Variants in PPP1R1C observed in about 807,000 individuals in gnomAD.
PPP1R1C encodes the protein protein phosphatase 1 regulatory subunit 1C.
A neutral mutation model predicts 17.4 loss-of-function variants in PPP1R1C; 15 were observed. The ratio of observed to expected loss-of-function variants is 0.86; its 90% CI spans 0.58 to 1.33. The LOEUF is 1.33. Ranked by LOEUF, PPP1R1C falls within the 40% of genes most tolerant of loss-of-function variation. PPP1R1C has a pLI of 0.00. For synonymous variants in PPP1R1C, 35 were observed against 43.1 expected (o/e 0.81, Z 0.73); for missense variants, 143 against 130.0 (o/e 1.10, Z -0.48).
Position 181,971,036 on chromosome 2 carries a change from G to A in PPP1R1C, n.112-4183G>A, listed in dbSNP as rs572808353. Among the ~76,000 whole-genome samples, 15 of 151,702 alleles carry A rather than the reference G, an allele frequency of 9.9e-5. No homozygotes were observed. In the East Asian group the frequency reaches 1.8e-3, roughly 18 times the overall value. ...CAGGAGCCAAGGCCTGGAATCAGGA[G>A]CCCAAAGAGCCCACCTAGTGCTCTA... On this transcript the variant is annotated intron_variant and non_coding_transcript_variant, in intron 1 of 5. Coordinates refer to the PPP1R1C transcript ENST00000464264.
chr2:182,026,369 C>T (rs1686611053), intron 2 of PPP1R1C, among the ~76,000 whole-genome samples: 2 of 141,386 alleles, frequency 1.4e-5, no homozygotes, highest in Non-Finnish European at 3.1e-5. Context: ...TTTAATCCAT[C>T]TTGAATTGAT....
intron 2 of PPP1R1C, among the ~76,000 whole-genome samples, chr2:182,002,640 G>C (rs1035033151): frequency 6.6e-6 from 1 of 151,916 alleles, no homozygotes; most frequent in Non-Finnish European, 1.5e-5. Context: ...GAATGGCTAA[G>C]ACTAATGCAC....
At chr2:181,963,879 C>G (rs1042526000) in intron 1 of PPP1R1C, among the ~76,000 whole-genome samples, 3 of 151,624 alleles carry the variant, frequency 2.0e-5, no homozygotes, top group African/African-American at 7.3e-5. Context: ...TATTTTGATA[C>G]AGGCATACAA....
In PPP1R1C at chr2:181,987,686, A is replaced by G. The variant is rs895157135; in HGVS notation, c.82-153A>G. On this transcript the variant is annotated intron_variant, in intron 1 of 4. Transcript: ENST00000682840. ...AATTCTGTGGCTTTCTATTATTTCA[A>G]AATAAAATTAGTGAGCACCTTCCAT... 9 of 675,030 alleles carry G rather than the reference A, an allele frequency of 1.3e-5. No individual in the cohort carries two copies. In the African/African-American group the frequency reaches 1.7e-4, roughly 13 times the overall value. The allele number at this position is 675,030 out of a possible 1,614,324, so 41.8% of individuals were successfully genotyped here.
intron 2 of PPP1R1C, among the ~76,000 whole-genome samples, chr2:181,998,510 G>A (rs574189119): frequency 3.3e-5 from 5 of 152,136 alleles, no homozygotes; most frequent in African/African-American, 9.6e-5. Flanking sequence ...TCCTTCTTTT[G>A]AATAAGTCAG....
chr2:182,103,693 C>T (rs1385368802), intron 4 of PPP1R1C: 2 of 152,164 alleles, frequency 1.3e-5, no homozygotes, highest in African/African-American at 4.8e-5. Context: ...TTGCAAAGCT[C>T]AGAGTGTAAA....
intron 2 of PPP1R1C, among the ~76,000 whole-genome samples, chr2:181,988,972 T>C (rs1685380389): frequency 6.6e-6 from 1 of 152,176 alleles, no homozygotes; most frequent in Non-Finnish European, 1.5e-5. Context: ...AAATATATTA[T>C]CTCAATAAAT....
At chr2:182,116,984 A>G (rs751409314) in intron 4 of PPP1R1C, among the ~76,000 whole-genome samples, 18 of 152,144 alleles carry the variant, frequency 1.2e-4, no homozygotes, top group Non-Finnish European at 2.2e-4. Context: ...AGAAGCTTTA[A>G]TTATGAAAGA....
intron 2 of PPP1R1C, among the ~76,000 whole-genome samples, chr2:182,038,180 G>A (rs1379827673): frequency 6.6e-6 from 1 of 152,038 alleles, no homozygotes; most frequent in Non-Finnish European, 1.5e-5. Context: ...TGGGACTACA[G>A]GCACACACCA....
At chr2:182,012,699 T>G (rs1336422804) in intron 2 of PPP1R1C, among the ~76,000 whole-genome samples, 1 of 152,076 alleles carries the variant, frequency 6.6e-6, no homozygotes, top group Admixed American at 6.5e-5. Flanking sequence ...TTGTCTTCCT[T>G]TCAATGAAGG....
chr2:182,084,918 C>G (rs1688583332), intron 4 of PPP1R1C, among the ~76,000 whole-genome samples: 1 of 152,036 alleles, frequency 6.6e-6, no homozygotes, highest in South Asian at 2.1e-4. Context: ...TTCGTGTCAC[C>G]TATAATTTTT....
chr2:182,127,464 G>T (rs1400965948), intron 5 of PPP1R1C, among the ~76,000 whole-genome samples: 1 of 152,052 alleles, frequency 6.6e-6, no homozygotes, highest in Non-Finnish European at 1.5e-5. Flanking sequence ...AAATGTCTAG[G>T]ACTGGAATAG....
At chr2:182,002,286 ACTCCAG>A (rs1559051907) in intron 2 of PPP1R1C, among the ~76,000 whole-genome samples, 13 of 151,898 alleles carry the variant, frequency 8.6e-5, no homozygotes, top group Non-Finnish European at 1.9e-4. Flanking sequence ...TCTACCTTTC[ACTCCAG>A]TAAAAAATCT....
chr2:181,990,370 C>G (rs2125141962), intron 2 of PPP1R1C, among the ~76,000 whole-genome samples: 1 of 152,098 alleles, frequency 6.6e-6, no homozygotes, highest in African/African-American at 2.4e-5. Flanking sequence ...GTCTCGATCT[C>G]CTGACCTCGC....
chr2:181,982,634 T>TA, upstream of PPP1R1C, among the ~76,000 whole-genome samples: 1 of 152,060 alleles, frequency 6.6e-6, no homozygotes, highest in Non-Finnish European at 1.5e-5. Flanking sequence ...GAGGTGGAAT[T>TA]AGAGAATGAA....
At chr2:182,075,963 T>C (rs1003848654) in intron 4 of PPP1R1C, among the ~76,000 whole-genome samples, 4 of 152,002 alleles carry the variant, frequency 2.6e-5, no homozygotes, top group African/African-American at 7.2e-5. Flanking sequence ...AACATATTTT[T>C]GTGTGGCAAA....
At chr2:182,050,775 C>G (rs1400010) in intron 2 of PPP1R1C, among the ~76,000 whole-genome samples, 33,464 of 152,130 alleles carry the variant, frequency 0.22, 4,281 homozygotes, top group Admixed American at 0.38. Flanking sequence ...ACATGCAAAA[C>G]TGACAGGAAA....
intron 5 of PPP1R1C, among the ~76,000 whole-genome samples, chr2:182,127,120 A>G (rs1192814353): frequency 6.6e-6 from 1 of 152,094 alleles, no homozygotes; most frequent in African/African-American, 2.4e-5. Context: ...ATAATTCTTC[A>G]GACAAAGTGT....
intron 1 of PPP1R1C, among the ~76,000 whole-genome samples, chr2:181,963,308 A>G (rs1684842841): frequency 1.3e-5 from 2 of 152,308 alleles, no homozygotes; most frequent in African/African-American, 4.8e-5. Context: ...ATTTAAACAT[A>G]CCCTAATATA....
Sources: allele counts gnomAD v4.1 joint callset (sites outside exome capture counted in the v4.1 genomes callset), GRCh38; gene constraint gnomAD v4.1.1; transcripts MANE v1.5; gene names NCBI Gene and HGNC (gene_info 2026-07-23, HGNC 2026-07-21).